LCORL: variants seen among roughly 807,000 people sequenced by gnomAD.
The protein encoded by LCORL is ligand dependent nuclear receptor corepressor like.
LCORL carries 41 observed loss-of-function variants against 141.8 expected under a neutral mutation model. That is an observed-to-expected ratio of 0.29 (90% CI 0.23 to 0.38). The LOEUF is 0.38. LCORL is among the 10% of genes least tolerant of loss of function. The probability of loss-of-function intolerance (pLI) is 1.00; values close to 1 mark genes in which losing one functional copy is unlikely to be tolerated. For synonymous variants in LCORL, 618 were observed against 694.1 expected (o/e 0.89, Z 1.72); for missense variants, 1,759 against 2,035.0 (o/e 0.86, Z 2.61).
chr4:17,977,262 A>G (rs1404273468), intron 1 of LCORL, among the ~76,000 whole-genome samples: 14 of 151,698 alleles, frequency 9.2e-5, no homozygotes, highest in Non-Finnish European at 3.0e-5. Context: ...AATAATTAAC[A>G]GTGTAAATGT....
chr4:17,942,782 G>A (rs750472604), intron 4 of LCORL, among the ~76,000 whole-genome samples: 3 of 152,078 alleles, frequency 2.0e-5, no homozygotes, highest in Non-Finnish European at 4.4e-5. Context: ...AGACGTCCCC[G>A]ACCCCTAGGC....
chr4:17,984,259 G>T (rs938394829), intron 1 of LCORL, among the ~76,000 whole-genome samples: 1 of 152,062 alleles, frequency 6.6e-6, no homozygotes, highest in African/African-American at 2.4e-5. Context: ...CCAAGTTTTG[G>T]TATCAGGATG....
chr4:17,983,769 T>C (rs1718438651), intron 1 of LCORL, among the ~76,000 whole-genome samples: 1 of 152,190 alleles, frequency 6.6e-6, no homozygotes, highest in African/African-American at 2.4e-5. Flanking sequence ...TTCTTTCTCT[T>C]GTCTGACTAC....
At chr4:17,954,457 A>G (rs901298110) in intron 4 of LCORL, among the ~76,000 whole-genome samples, 5 of 152,254 alleles carry the variant, frequency 3.3e-5, no homozygotes, top group Non-Finnish European at 5.9e-5. Context: ...ACCAGACCAC[A>G]TAGAGTCCTT....
intron 4 of LCORL, chr4:17,911,995 A>T: frequency 1.6e-6 from 1 of 636,900 alleles, no homozygotes; most frequent in Non-Finnish European, 3.0e-6. Flanking sequence ...CAGAGTGAGG[A>T]GCCTGGAGAC....
intron 1 of LCORL, among the ~76,000 whole-genome samples, chr4:18,019,827 G>C (rs1219594149): frequency 1.3e-5 from 2 of 152,184 alleles, no homozygotes; most frequent in Non-Finnish European, 2.9e-5. Flanking sequence ...AATGAGCTCA[G>C]TAATTTCTAA....
chr4:17,892,221 T>G (rs908181183), intron 5 of LCORL, among the ~76,000 whole-genome samples: 1 of 149,556 alleles, frequency 6.7e-6, no homozygotes, highest in Non-Finnish European at 1.5e-5. Flanking sequence ...TTTTTTTTTT[T>G]TTTTTGAGAC....
intron 4 of LCORL, among the ~76,000 whole-genome samples, chr4:17,913,885 A>G (rs1732966263): frequency 1.3e-5 from 2 of 152,262 alleles, no homozygotes; most frequent in Admixed American, 1.3e-4. Context: ...AATGGCTGGT[A>G]TCCTTGCTTA....
intron 7 of LCORL, among the ~76,000 whole-genome samples, chr4:17,854,773 T>C (rs951570230): frequency 1.3e-5 from 2 of 152,194 alleles, no homozygotes; most frequent in Admixed American, 1.3e-4. Context: ...GTAGATTAAG[T>C]AGAAGATTTT....
chr4:17,843,378 A>AAAAGT, exon 8 of LCORL: 2 of 1,612,162 alleles, frequency 1.2e-6, no homozygotes, highest in Non-Finnish European at 1.7e-6. Context: ...AGCACTAGAA[A>AAAAGT]AAAGTAAACT....
chr4:17,937,373 C>G (rs1358639856), intron 4 of LCORL, among the ~76,000 whole-genome samples: 1 of 152,128 alleles, frequency 6.6e-6, no homozygotes, highest in African/African-American at 2.4e-5. Flanking sequence ...TCTTCCACAA[C>G]CATTGTATTA....
At chr4:17,847,935 A>T (rs1723127462) in intron 7 of LCORL, among the ~76,000 whole-genome samples, 1 of 152,246 alleles carries the variant, frequency 6.6e-6, no homozygotes, top group Admixed American at 6.5e-5. Flanking sequence ...CCAAAAAATA[A>T]AATGAAGGCA....
intron 5 of LCORL, among the ~76,000 whole-genome samples, chr4:17,894,983 A>G (rs1729675004): frequency 6.6e-6 from 1 of 150,956 alleles, no homozygotes; most frequent in Non-Finnish European, 1.5e-5. Context: ...AAGTTCTCAA[A>G]ATAATCTTTC....
intron 1 of LCORL, among the ~76,000 whole-genome samples, chr4:17,983,464 T>C (rs1718380098): frequency 6.6e-6 from 1 of 152,190 alleles, no homozygotes; most frequent in Admixed American, 6.5e-5. Flanking sequence ...GTAATTCTCA[T>C]TGTAGAGATG....
intron 2 of LCORL, among the ~76,000 whole-genome samples, chr4:17,970,711 G>A (rs1295466225): frequency 1.3e-5 from 2 of 152,174 alleles, no homozygotes; most frequent in Non-Finnish European, 2.9e-5. Flanking sequence ...AGGCCTTAAA[G>A]CTGTTGCAAT....
chr4:17,976,084 TTTC>T (rs1479447543), intron 1 of LCORL, among the ~76,000 whole-genome samples: 1 of 152,194 alleles, frequency 6.6e-6, no homozygotes, highest in Middle Eastern at 3.2e-3. Context: ...CTACACCAAC[TTTC>T]TTATGATAAG....
At chr4:17,961,311 T>C (rs539380838) in intron 4 of LCORL, among the ~76,000 whole-genome samples, 94 of 152,140 alleles carry the variant, frequency 6.2e-4, no homozygotes, top group African/African-American at 2.2e-3. Flanking sequence ...TAAAAACTAC[T>C]ACTGCTTGAT....
At chr4:17,850,971 C>G (rs1318443318) in intron 7 of LCORL, among the ~76,000 whole-genome samples, 414 of 141,278 alleles carry the variant, frequency 2.9e-3, no homozygotes, top group South Asian at 5.1e-3. Context: ...AGTTCATGTC[C>G]TTTGTAGGGA....
chr4:17,883,586 A>G (rs1045382374), intron 6 of LCORL: 2 of 1,349,756 alleles, frequency 1.5e-6, no homozygotes, highest in Admixed American at 3.4e-5. Context: ...GTAAAATTTC[A>G]TGTCTCCTGT....
Sources: allele counts gnomAD v4.1 joint callset (sites outside exome capture counted in the v4.1 genomes callset), GRCh38; gene constraint gnomAD v4.1.1; transcripts MANE v1.5; gene names NCBI Gene and HGNC (gene_info 2026-07-23, HGNC 2026-07-21).